Variants in PRR5L observed in about 807,000 individuals in gnomAD.
The protein encoded by PRR5L is proline rich 5 like.
Under a neutral mutation model 36.4 loss-of-function variants are expected in PRR5L, and 21 were observed. The ratio of observed to expected loss-of-function variants is 0.58; its 90% CI spans 0.41 to 0.83. The LOEUF is 0.83. PRR5L is among the 40% of genes least tolerant of loss of function. The pLI, the probability that PRR5L is intolerant of heterozygous loss-of-function variation, is 0.00. For synonymous variants in PRR5L, 188 were observed against 197.0 expected (o/e 0.95, Z 0.38); for missense variants, 381 against 473.3 (o/e 0.80, Z 1.81).
chr11:36,415,845 G>C (rs1158493253), intron 3 of PRR5L, among the ~76,000 whole-genome samples: 1 of 152,128 alleles, frequency 6.6e-6, no homozygotes, highest in Admixed American at 6.6e-5. Context: ...GGGCCTATGG[G>C]GAAACCCCTT....
At chr11:36,305,831 T>C (rs1191286229) in intron 1 of PRR5L, among the ~76,000 whole-genome samples, 1 of 152,230 alleles carries the variant, frequency 6.6e-6, no homozygotes, top group Non-Finnish European at 1.5e-5. Context: ...TTTCTGTTGT[T>C]GATAAGCCAT....
intron 1 of PRR5L, among the ~76,000 whole-genome samples, chr11:36,359,523 G>C (rs779853477): frequency 6.6e-6 from 1 of 152,128 alleles, no homozygotes; most frequent in African/African-American, 2.4e-5. Flanking sequence ...AGACACAAAT[G>C]TTTGTGATCA....
Position 36,446,414 on chromosome 11 carries a change from A to C in PRR5L, c.559A>C (p.Ile187Leu), listed in dbSNP as rs200287266. 6.2e-7 allele frequency: 1 copy of C among 1,614,004 alleles called. No individual in the cohort carries two copies. The highest frequency in any genetic ancestry group is 1.1e-5 in the South Asian group (1 of 91,078). Residue 187 changes from isoleucine to leucine, a missense_variant, in exon 7 of 9, where the codon ATT becomes CTT. Transcript: ENST00000530639. Reference sequence around the variant, plus strand: ...GGCCCAGTCCAAGCTGCCCTCGTCCATTGTCCAGATGTTGCTCATCCTGCA... The same window carrying C: ...GGCCCAGTCCAAGCTGCCCTCGTCCCTTGTCCAGATGTTGCTCATCCTGCA... The part of the protein sequence containing the change: ...LLAQSKLPSS[I>L]VQMLLILQSV...
intron 1 of PRR5L, among the ~76,000 whole-genome samples, chr11:36,389,926 G>A (rs1283844565): frequency 6.6e-6 from 1 of 152,096 alleles, no homozygotes; most frequent in East Asian, 1.9e-4. Context: ...CCTGCTTATG[G>A]TTCCTGTCTC....
intron 1 of PRR5L, among the ~76,000 whole-genome samples, chr11:36,349,279 C>CAAAAAAA (rs56844732): frequency 9.4e-6 from 1 of 106,546 alleles, no homozygotes; most frequent in African/African-American, 3.9e-5. Flanking sequence ...AAGACTCTGC[C>CAAAAAAA]AAAAAAAAAA....
At chr11:36,383,613 T>G (rs1857407260) in intron 1 of PRR5L, among the ~76,000 whole-genome samples, 1 of 152,174 alleles carries the variant, frequency 6.6e-6, no homozygotes, top group Non-Finnish European at 1.5e-5. Flanking sequence ...CCGCTAATCT[T>G]GTTCACGTTC....
chr11:36,340,025 A>C (rs1336074806), intron 1 of PRR5L, among the ~76,000 whole-genome samples: 1 of 152,184 alleles, frequency 6.6e-6, no homozygotes. Flanking sequence ...CTTACAGCAC[A>C]GTTGCTGCCA....
intron 1 of PRR5L, among the ~76,000 whole-genome samples, chr11:36,338,602 G>A (rs975925623): frequency 2.0e-5 from 3 of 152,054 alleles, no homozygotes; most frequent in African/African-American, 7.2e-5. Flanking sequence ...ATTCCCTGAC[G>A]GCAGGATCCC....
chr11:36,438,387 A>G (rs1858649665), intron 6 of PRR5L, among the ~76,000 whole-genome samples: 1 of 152,212 alleles, frequency 6.6e-6, no homozygotes, highest in Admixed American at 6.5e-5. Flanking sequence ...ATGACCTTAT[A>G]CCACATAGAT....
Position 36,351,527 on chromosome 11 carries a change from A to T in PRR5L, c.-125-49470A>T, listed in dbSNP as rs374094779. On this transcript the variant is annotated intron_variant, in intron 1 of 8. Transcript: ENST00000530639. ...TTTATATATTTATATATATTTATAT[A>T]TTTATATAAATATATATTTATATAT... Among the ~76,000 whole-genome samples the T allele has an allele frequency of 7.6e-3, 67 of 8,780 alleles. 6 individuals carry two copies. Among genetic ancestry groups the T allele is most frequent in the Admixed American group, 0.011 (7 of 616 alleles). The allele number at this position is 8,780 out of a possible 152,430, so 5.8% of individuals were successfully genotyped here. A position where few individuals can be genotyped will look rare whatever the true frequency, so the allele number is the denominator to read the frequency against.
At chr11:36,376,659 C>T in intron 1 of PRR5L, 1 of 989,824 alleles carries the variant, frequency 1.0e-6, no homozygotes, top group Non-Finnish European at 1.2e-6. Flanking sequence ...AGGCGAGCGG[C>T]GGGTGTGCGC....
chr11:36,414,317 T>A (rs1336402703), intron 3 of PRR5L, among the ~76,000 whole-genome samples: 1 of 149,518 alleles, frequency 6.7e-6, no homozygotes, highest in Non-Finnish European at 1.5e-5. Flanking sequence ...TGAACTAGTT[T>A]ACAGTCCCAC....
In PRR5L at chr11:36,401,133, C is replaced by A. The variant is rs1469729083; in HGVS notation, c.12C>A (p.Gly4=). The part of the protein sequence containing the change: MTR[G]FAPILPVEFH... ...TGTCACCAGGACTTATGACCCGCGGCTTCGCTCCCATTCTGCCCGTCGAGT... is the reference window on the plus strand; with the variant it reads ...TGTCACCAGGACTTATGACCCGCGGATTCGCTCCCATTCTGCCCGTCGAGT... The change falls in exon 2 of 9, where the codon GGC becomes GGA. Residue 4 remains glycine (G), a synonymous_variant. Transcript: ENST00000530639. 1.2e-6 allele frequency: 2 copies of A among 1,614,178 alleles called. No individual in the cohort carries two copies. Among genetic ancestry groups the A allele is most frequent in the Admixed American group, 3.3e-5 (2 of 60,030 alleles).
chr11:36,358,347 C>G (rs1331133489), intron 1 of PRR5L, among the ~76,000 whole-genome samples: 1 of 152,184 alleles, frequency 6.6e-6, no homozygotes, highest in Non-Finnish European at 1.5e-5. Flanking sequence ...CACAGCCACC[C>G]TAACCTTCAG....
At chr11:36,423,127 C>A (rs887171035) in intron 4 of PRR5L, among the ~76,000 whole-genome samples, 6 of 152,094 alleles carry the variant, frequency 3.9e-5, no homozygotes, top group African/African-American at 1.4e-4. Flanking sequence ...GATATAGAAA[C>A]TCAGGCTAGA....
intron 1 of PRR5L, among the ~76,000 whole-genome samples, chr11:36,327,055 A>G (rs1030205881): frequency 1.3e-5 from 2 of 152,248 alleles, no homozygotes; most frequent in Non-Finnish European, 2.9e-5. Context: ...TAATTCTTGT[A>G]TACAGGTAGC....
chr11:36,456,032 G>A (rs1044251205), intron 8 of PRR5L, among the ~76,000 whole-genome samples: 1 of 152,190 alleles, frequency 6.6e-6, no homozygotes, highest in African/African-American at 2.4e-5. Flanking sequence ...GGCTGAGGCA[G>A]CTGTGGAGAG....
At chr11:36,447,986 C>T (rs1235719692) in intron 7 of PRR5L, among the ~76,000 whole-genome samples, 4 of 152,108 alleles carry the variant, frequency 2.6e-5, no homozygotes, top group Non-Finnish European at 5.9e-5. Flanking sequence ...CTCCCATCTT[C>T]CCATATCAGT....
At chr11:36,390,232 AG>A (rs1196401653) in intron 1 of PRR5L, among the ~76,000 whole-genome samples, 1 of 152,132 alleles carries the variant, frequency 6.6e-6, no homozygotes, top group African/African-American at 2.4e-5. Context: ...TGGGCTATAA[AG>A]GGGGTGCAGG....
Sources: allele counts gnomAD v4.1 joint callset (sites outside exome capture counted in the v4.1 genomes callset), GRCh38; gene constraint gnomAD v4.1.1; transcripts MANE v1.5; gene names NCBI Gene and HGNC (gene_info 2026-07-23, HGNC 2026-07-21).